LRRC7: variants seen among roughly 807,000 people sequenced by gnomAD.
LRRC7 encodes the protein leucine rich repeat containing 7.
LRRC7 carries 23 observed loss-of-function variants against 175.7 expected under a neutral mutation model. That is an observed-to-expected ratio of 0.13 (90% CI 0.09 to 0.19). LRRC7 has a LOEUF of 0.19. Ranked by LOEUF, LRRC7 falls within the 10% of genes least tolerant of loss-of-function variation. The pLI is 1.00. For synonymous variants in LRRC7, 685 were observed against 680.9 expected (o/e 1.01, Z -0.09); for missense variants, 1,354 against 1,904.7 (o/e 0.71, Z 5.38).
In LRRC7 at chr1:69,919,863, C is replaced by T; in HGVS notation, c.648-11644C>T. 6 of 667,946 alleles carry T rather than the reference C, an allele frequency of 9.0e-6. No homozygotes were observed. The South Asian group carries it at 1.1e-4, about 12-fold the overall frequency. The allele number at this position is 667,946 out of a possible 1,614,324, so 41.4% of individuals were successfully genotyped here. ...TGAGGATTGGGGGCCCAGGCCTGGC[C>T]TCGGGGTTCCCCCGCTGCCTGCTGG... On this transcript the variant is annotated intron_variant, in intron 7 of 26. Transcript: ENST00000651989.
rs773884208 is a variant in LRRC7 at position 69,678,393 on chromosome 1, A to C, written c.15A>C (p.Leu5=). 10 of 1,595,392 alleles carry C rather than the reference A, an allele frequency of 6.3e-6. No homozygotes were observed. The South Asian group carries it at 1.0e-4, about 16-fold the overall frequency. MMEN[L]IRGRNPPQYQ... The stretch of plus-strand genomic sequence containing the variant: ...TTCTCTCTTATAGGATGGAGAACCT[A>C]ATAAGGGGAAGGAATCCCCCGCAAT... The change falls in exon 2 of 27, where the codon CTA becomes CTC. Residue 5 remains leucine (L), a synonymous_variant. Transcript: ENST00000651989.
At chr1:69,695,183 T>C (rs1424774252) in intron 2 of LRRC7, among the ~76,000 whole-genome samples, 1 of 152,138 alleles carries the variant, frequency 6.6e-6, no homozygotes, top group Non-Finnish European at 1.5e-5. Context: ...AGGAAATTGT[T>C]GGGAACTGGT....
intron 2 of LRRC7, among the ~76,000 whole-genome samples, chr1:69,687,552 G>A (rs10437084): frequency 0.11 from 13,317 of 125,242 alleles, 657 homozygotes; most frequent in Non-Finnish European, 0.14. Context: ...AAAAGAAAAA[G>A]AAAAGAAAAA....
At chr1:69,734,038 A>G (rs563348864) in intron 2 of LRRC7, among the ~76,000 whole-genome samples, 1 of 152,140 alleles carries the variant, frequency 6.6e-6, no homozygotes, top group African/African-American at 2.4e-5. Context: ...TGTGCTTGAA[A>G]TGACATAAAT....
intron 9 of LRRC7, among the ~76,000 whole-genome samples, chr1:69,984,867 A>G (rs1170575766): frequency 2.0e-5 from 3 of 152,154 alleles, no homozygotes; most frequent in Non-Finnish European, 4.4e-5. Flanking sequence ...TAGAGTTTGC[A>G]TTTCTTCACG....
At chr1:70,097,622 C>A in intron 25 of LRRC7, among the ~76,000 whole-genome samples, 1 of 126,964 alleles carries the variant, frequency 7.9e-6, no homozygotes, top group South Asian at 3.2e-4. Flanking sequence ...TCCCCCCACC[C>A]CACAACAGTC....
intron 7 of LRRC7, among the ~76,000 whole-genome samples, chr1:69,905,194 G>A (rs7526897): frequency 6.6e-6 from 1 of 151,644 alleles, no homozygotes; most frequent in East Asian, 1.9e-4. Flanking sequence ...ATATTCCTTT[G>A]GGTATATATC....
At chr1:69,754,081 G>A (rs184393216) in intron 2 of LRRC7, among the ~76,000 whole-genome samples, 2 of 151,972 alleles carry the variant, frequency 1.3e-5, no homozygotes, top group Non-Finnish European at 2.9e-5. Flanking sequence ...TTGTGCAATG[G>A]GGCTGGGTGT....
intron 8 of LRRC7, among the ~76,000 whole-genome samples, chr1:69,950,451 A>C (rs1261876678): frequency 1.3e-5 from 2 of 152,184 alleles, no homozygotes; most frequent in African/African-American, 4.8e-5. Flanking sequence ...GGGAGGCAAG[A>C]GTAGAAAATT....
chr1:69,979,129 A>G (rs1653148149), intron 8 of LRRC7, among the ~76,000 whole-genome samples: 1 of 152,156 alleles, frequency 6.6e-6, no homozygotes, highest in Non-Finnish European at 1.5e-5. Flanking sequence ...ACAAAGATTC[A>G]CTGCTTTGTA....
chr1:70,117,339 T>A lies in LRRC7; in HGVS notation c.4621-4441T>A, dbSNP rs576837220. On this transcript the variant is annotated intron_variant, in intron 26 of 26. Transcript: ENST00000651989. ...GTTTCTGCAATATAAACATCTATAA[T>A]TTATCCATTTAACAAAACATTTACC... is the stretch of plus-strand genomic sequence containing the variant. 3.3e-5 allele frequency among the ~76,000 whole-genome samples: 5 copies of A among 152,290 alleles called. No individual in the cohort carries two copies. In the East Asian group the frequency reaches 9.6e-4, roughly 29 times the overall value.
rs1478570684 is a variant in LRRC7 at position 70,105,512 on chromosome 1, A to T, written c.4546-2240A>T. On this transcript the variant is annotated intron_variant, in intron 25 of 26. Coordinates refer to ENST00000651989, the MANE Select transcript of LRRC7 (RefSeq NM_001370785.2). The stretch of plus-strand genomic sequence containing the variant: ...TGTCCACACAAATATATATATAAAC[A>T]CATTTCAGCAAAAATAGCATCCTAC... 2.6e-5 allele frequency among the ~76,000 whole-genome samples: 4 copies of T among 152,340 alleles called. No homozygotes were observed. The East Asian group carries it at 7.7e-4, about 29-fold the overall frequency.
intron 2 of LRRC7, among the ~76,000 whole-genome samples, chr1:69,717,810 GAAA>G (rs1665615451): frequency 8.2e-5 from 2 of 24,268 alleles, no homozygotes; most frequent in South Asian, 2.0e-3. Flanking sequence ...AAGAAAGAAA[GAAA>G]GAAAGAAAGA....
At position 70,039,381 on chromosome 1, in the gene LRRC7, A is replaced by G. The variant is rs771278020; in HGVS notation, c.3557A>G (p.Tyr1186Cys). 1.2e-6 allele frequency: 2 copies of G among 1,614,056 alleles called. No homozygotes were observed. The highest frequency in any genetic ancestry group is 1.1e-5 in the South Asian group (1 of 91,080). ...ACTGATAGGTACGGCAGACCCCCAT[A>G]TAGGGGAGGGCTGGATCGCCAAAGC... ...PPTDRYGRPPYRGGLDRQSSV... is the reference protein window; with the variant it reads ...PPTDRYGRPPCRGGLDRQSSV... The change falls in exon 21 of 27, where the codon TAT (tyrosine) becomes TGT (cysteine). Residue 1186 changes from tyrosine (Y) to cysteine (C), a missense_variant. Coordinates refer to ENST00000651989, the MANE Select transcript of LRRC7 (RefSeq NM_001370785.2).
intron 1 of LRRC7, among the ~76,000 whole-genome samples, chr1:69,629,666 A>G (rs1652170295): frequency 6.6e-6 from 1 of 152,068 alleles, no homozygotes; most frequent in East Asian, 1.9e-4. Flanking sequence ...ACTTTATCCA[A>G]TGTATCTTCA....
intron 2 of LRRC7, among the ~76,000 whole-genome samples, chr1:69,719,595 TA>T (rs938700697): frequency 6.6e-6 from 1 of 151,648 alleles, no homozygotes; most frequent in African/African-American, 2.4e-5. Flanking sequence ...AATCAGAGCA[TA>T]ACAACCACTA....
In LRRC7 at chr1:69,899,953, C is replaced by G. The variant is rs544616102; in HGVS notation, c.648-31554C>G. Among the ~76,000 whole-genome samples, 8 of 152,258 alleles carry G rather than the reference C, an allele frequency of 5.3e-5. No homozygotes were observed. The South Asian group carries it at 1.7e-3, about 32-fold the overall frequency. ...TATAAATGACCCAGTCCGTGGTATT[C>G]TGTTACAGCAGCACAAACAGACTAA... On this transcript the variant is annotated intron_variant, in intron 7 of 26. Transcript: ENST00000651989.
intron 23 of LRRC7, among the ~76,000 whole-genome samples, chr1:70,054,700 C>T (rs1420798082): frequency 6.8e-6 from 1 of 146,730 alleles, no homozygotes; most frequent in Non-Finnish European, 1.5e-5. Context: ...CCCAGGTTCA[C>T]GCCATTCTCC....
intron 5 of LRRC7, among the ~76,000 whole-genome samples, chr1:69,833,551 A>G (rs1179097564): frequency 6.6e-6 from 1 of 152,144 alleles, no homozygotes; most frequent in Non-Finnish European, 1.5e-5. Context: ...TATTATATGT[A>G]TATATATAAG....
Sources: gnomAD v4.1 joint callset for allele counts (sites outside exome capture counted in the v4.1 genomes callset) on GRCh38, gnomAD v4.1.1 for gene constraint, MANE v1.5 for transcripts, NCBI Gene and HGNC (gene_info 2026-07-23, HGNC 2026-07-21) for gene names.